COG7: variants seen among roughly 807,000 people sequenced by gnomAD.
COG7 encodes the protein conserved oligomeric Golgi complex subunit 7.
COG7 carries 49 observed loss-of-function variants against 91.5 expected under a neutral mutation model. The observed-to-expected ratio is 0.54, with a 90% CI of 0.43 to 0.68. COG7 has a LOEUF of 0.68. COG7 is among the 30% of genes least tolerant of loss of function. The pLI is 0.00. For missense variants in COG7, 895 were observed against 961.3 expected, an observed-to-expected ratio of 0.93 and a Z score of 0.91; for synonymous variants, 365 against 388.7, an observed-to-expected ratio of 0.94 and a Z score of 0.72.
chr16:23,432,268 C>A (rs1300634187), intron 6 of COG7, among the ~76,000 whole-genome samples: 1 of 152,158 alleles, frequency 6.6e-6, no homozygotes, highest in Non-Finnish European at 1.5e-5. Flanking sequence ...ATAAGGAATT[C>A]TCTCCAACCT....
chr16:23,430,572 C>T (rs577521192), intron 6 of COG7, among the ~76,000 whole-genome samples: 2 of 150,056 alleles, frequency 1.3e-5, no homozygotes, highest in East Asian at 2.0e-4. Flanking sequence ...GATGGATTCT[C>T]GCTCTGTTGC....
At chr16:23,425,226 C>T (rs1008837758) in intron 6 of COG7, among the ~76,000 whole-genome samples, 11 of 152,196 alleles carry the variant, frequency 7.2e-5, no homozygotes, top group Admixed American at 5.9e-4. Flanking sequence ...AGGAGAATCA[C>T]TTGAACCCGG....
intron 1 of COG7, among the ~76,000 whole-genome samples, chr16:23,449,386 TAAAA>T (rs1964230306): frequency 1.2e-4 from 5 of 41,882 alleles, no homozygotes; most frequent in Admixed American, 3.4e-4. Context: ...TAAATTAAAA[TAAAA>T]TAAAATAAAA....
At chr16:23,410,237 C>T in intron 11 of COG7, 58 bp downstream of exon 11, 5 of 1,445,734 alleles carry the variant, frequency 3.5e-6, no homozygotes, top group Non-Finnish European at 4.9e-6. Flanking sequence ...TGTACTAGAC[C>T]AAGCTCGTGC....
At position 23,445,844 on chromosome 16, in the gene COG7, T is replaced by A. The variant is rs1482128828; in HGVS notation, c.287A>T (p.Lys96Ile). The A allele has an allele frequency of 6.2e-7, 1 of 1,613,960 alleles. No individual in the cohort carries two copies. Among genetic ancestry groups the A allele is most frequent in the East Asian group, 2.2e-5 (1 of 44,878 alleles). Residue 96 changes from lysine to isoleucine, a missense_variant, in exon 2 of 17, where the codon AAA becomes ATA. Transcript: ENST00000307149. Reference sequence around the variant, plus strand: ...GGATTGAGATGTGTCCTGTTCAAATTTTTTAATGTCCTCCTTGACAAGAAT... The same window carrying A: ...GGATTGAGATGTGTCCTGTTCAAATATTTTAATGTCCTCCTTGACAAGAAT... ...QMILVKEDIK[K>I]FEQDTSQSMQ... is the part of the protein sequence containing the mutation.
At chr16:23,405,995 G>T (rs897762583) in intron 12 of COG7, 81 bp downstream of exon 12, 13 of 1,319,650 alleles carry the variant, frequency 9.9e-6, no homozygotes, top group African/African-American at 2.9e-5. Context: ...CACAGGGCCC[G>T]CCTGTAACCC....
At chr16:23,417,568 A>G (rs1465196772) in intron 8 of COG7, among the ~76,000 whole-genome samples, 1 of 152,122 alleles carries the variant, frequency 6.6e-6, no homozygotes, top group Non-Finnish European at 1.5e-5. Flanking sequence ...GGAGTTTGAG[A>G]CCAGCCTGGT....
chr16:23,428,936 G>A (rs1226184941), intron 6 of COG7, among the ~76,000 whole-genome samples: 13 of 151,454 alleles, frequency 8.6e-5, no homozygotes, highest in Admixed American at 6.6e-4. Flanking sequence ...CAGGTGATCC[G>A]CCCACCTCGG....
chr16:23,442,868 T>C (rs1178810444), intron 3 of COG7, among the ~76,000 whole-genome samples: 1 of 151,716 alleles, frequency 6.6e-6, no homozygotes, highest in African/African-American at 2.4e-5. Context: ...AGATCCAGTC[T>C]CTACAAACAG....
At chr16:23,438,973 C>T (rs1225567204) in intron 4 of COG7, among the ~76,000 whole-genome samples, 1 of 151,850 alleles carries the variant, frequency 6.6e-6, no homozygotes, top group Admixed American at 6.6e-5. Flanking sequence ...GCCTGGCCAA[C>T]ATGGTGAAAC....
chr16:23,406,288 G>T (rs1172755227), intron 11 of COG7, 26 bp from the exon 12 acceptor site: 7 of 1,591,398 alleles, frequency 4.4e-6, no homozygotes, highest in Non-Finnish European at 6.0e-6. Flanking sequence ...TGACCATTAT[G>T]CCCTGAGCTA....
Position 23,416,533 on chromosome 16 carries a change from ATGT to A in COG7, c.1292+431_1292+433del. On this transcript the variant is annotated intron_variant, in intron 9 of 16. Coordinates refer to ENST00000307149, the MANE Select transcript of COG7 (RefSeq NM_153603.4). ...GAACAATCAGAGACAGGGCTTCACC[ATGT>A]TGGCCAAGCTGGTCTCGAACTCCTG... 7.4e-6 allele frequency: 2 copies of A among 269,942 alleles called. 1 individual carries two copies. The highest frequency in any genetic ancestry group is 7.9e-5 in the South Asian group (2 of 25,432). 16.7% of individuals were successfully genotyped at this position (269,942 alleles called of 1,614,324 possible).
At chr16:23,429,955 T>C (rs903519466) in intron 6 of COG7, among the ~76,000 whole-genome samples, 14 of 152,164 alleles carry the variant, frequency 9.2e-5, no homozygotes, top group African/African-American at 1.7e-4. Context: ...AACTAACTTA[T>C]GATGGAAAAA....
chr16:23,413,586 T>C (rs759392183), intron 9 of COG7, 22 bp from the exon 10 acceptor site: 13 of 1,296,844 alleles, frequency 1.0e-5, no homozygotes, highest in East Asian at 6.9e-5. Flanking sequence ...GGGAAGAAAA[T>C]GGTAGGGAGG....
chr16:23,442,384 A>G (rs1430394890), intron 4 of COG7, 93 bp downstream of exon 4: 2 of 1,188,250 alleles, frequency 1.7e-6, no homozygotes, highest in Non-Finnish European at 2.5e-6. Flanking sequence ...TATGTAATTC[A>G]ATCACCATTA....
At position 23,452,838 on chromosome 16, in the gene COG7, G is replaced by A. The variant is rs780878998; in HGVS notation, c.157C>T (p.His53Tyr). 5.0e-6 allele frequency: 8 copies of A among 1,612,988 alleles called. No individual in the cohort carries two copies. The highest frequency in any genetic ancestry group is 6.8e-6 in the Non-Finnish European group (8 of 1,179,674). Reference protein sequence around the residue: ...KLQLFIQEVNHAVEETSHQAL... With the variant: ...KLQLFIQEVNYAVEETSHQAL... Reference sequence around the variant, plus strand: ...CCGAGCGGCTCACCCTCCACGGCGTGGTTCACCTCTTGGATGAACAGCTGC... The same window carrying A: ...CCGAGCGGCTCACCCTCCACGGCGTAGTTCACCTCTTGGATGAACAGCTGC... Residue 53 changes from histidine to tyrosine, a missense_variant, in exon 1 of 17, where the codon CAC (histidine) becomes TAC (tyrosine). Transcript: ENST00000307149.
chr16:23,451,613 G>T (rs1406354851), intron 1 of COG7, among the ~76,000 whole-genome samples: 2 of 151,108 alleles, frequency 1.3e-5, no homozygotes, highest in Admixed American at 6.6e-5. Context: ...CCAGTTACTT[G>T]GGAGGCTGAG....
chr16:23,406,359 C>T, intron 11 of COG7, 97 bp from the exon 12 acceptor site: 2 of 1,044,188 alleles, frequency 1.9e-6, no homozygotes, highest in Non-Finnish European at 2.9e-6. Context: ...CAAAGATAAT[C>T]CTCATGAGAC....
chr16:23,445,238 G>T lies in COG7; in HGVS notation c.319-74C>A, dbSNP rs1403173534. ...CCATCTGCCACCAGGGACTTGAAATGTAAGTATGGTGGCTTGCTTCTGTCT... is the reference window on the plus strand; with the variant it reads ...CCATCTGCCACCAGGGACTTGAAATTTAAGTATGGTGGCTTGCTTCTGTCT... On this transcript the variant is annotated intron_variant, in intron 2 of 16. Coordinates refer to ENST00000307149, the MANE Select transcript of COG7 (RefSeq NM_153603.4). 3 of 999,540 alleles carry T rather than the reference G, an allele frequency of 3.0e-6. No individual in the cohort carries two copies. In the African/African-American group the frequency reaches 4.8e-5, roughly 16 times the overall value. 61.9% of individuals were successfully genotyped at this position (999,540 alleles called of 1,614,324 possible). A position where few individuals can be genotyped will look rare whatever the true frequency, so the allele number is the denominator to read the frequency against.
Sources: gnomAD v4.1 joint callset for allele counts (sites outside exome capture counted in the v4.1 genomes callset) on GRCh38, gnomAD v4.1.1 for gene constraint, MANE v1.5 for transcripts, NCBI Gene and HGNC (gene_info 2026-07-23, HGNC 2026-07-21) for gene names.